Variants in RBFOX3 observed in about 807,000 individuals in gnomAD.
The protein encoded by RBFOX3 is RNA binding fox-1 homolog 3.
In RBFOX3, 17 loss-of-function variants were observed where a neutral mutation model predicts 48.7. That is an observed-to-expected ratio of 0.35 (90% CI 0.24 to 0.52). The LOEUF is 0.52. RBFOX3 is among the 20% of genes least tolerant of loss of function. The probability of loss-of-function intolerance (pLI) is 0.94; values close to 1 mark genes in which losing one functional copy is unlikely to be tolerated. For synonymous variants in RBFOX3, 212 were observed against 209.5 expected (o/e 1.01, Z -0.10); for missense variants, 382 against 497.5 (o/e 0.77, Z 2.21).
In RBFOX3 at chr17:79,479,237, C is replaced by T. The variant is rs1010319044; in HGVS notation, c.-175+3217G>A. On this transcript the variant is annotated intron_variant, in intron 2 of 14. Coordinates refer to ENST00000693108, the MANE Select transcript of RBFOX3 (RefSeq NM_001350451.2). This position sits in a 1 kb window ranked among gnomAD's most constrained non-coding sequence, Gnocchi z 5.1. ...CTGGTAGCCCAAGGGGTGGTTTTGG[C>T]GGCCCCTTCTCTGAAGCCCATGTCC... Among the ~76,000 whole-genome samples the T allele has an allele frequency of 2.6e-5, 4 of 152,296 alleles. No homozygotes were observed. The highest frequency in any genetic ancestry group is 2.1e-4 in the South Asian group (1 of 4,824).
chr17:79,651,828 C>G, the RBFOX3 span, among the ~76,000 whole-genome samples: 5 of 15,318 alleles, frequency 3.3e-4, no homozygotes, highest in Non-Finnish European at 0.026. Flanking sequence ...TCTTCTTCCT[C>G]TCTCTCTCTC....
At chr17:79,366,891 C>T (rs531685130) in intron 2 of RBFOX3, among the ~76,000 whole-genome samples, 2 of 152,322 alleles carry the variant, frequency 1.3e-5, no homozygotes, top group East Asian at 3.9e-4. Flanking sequence ...CAGCTGAGTC[C>T]CTCCCAGAGT....
chr17:79,585,057 G>A (rs1218969932), intron 1 of RBFOX3, among the ~76,000 whole-genome samples: 3 of 151,816 alleles, frequency 2.0e-5, no homozygotes, highest in Non-Finnish European at 4.4e-5. Context: ...GAGCCACGGC[G>A]CCCAGCCGAT....
At chr17:79,378,934 G>A (rs1313076036) in intron 2 of RBFOX3, among the ~76,000 whole-genome samples, 1 of 152,170 alleles carries the variant, frequency 6.6e-6, no homozygotes, top group African/African-American at 2.4e-5. Flanking sequence ...CCAGCCCCAG[G>A]GCCCAGAGGC....
At chr17:79,472,707 A>G (rs1280364216) in intron 2 of RBFOX3, among the ~76,000 whole-genome samples, 1 of 152,118 alleles carries the variant, frequency 6.6e-6, no homozygotes, top group Non-Finnish European at 1.5e-5. Context: ...AGCCGACCAC[A>G]CACCTCCCAC....
chr17:79,464,497 G>A (rs1224897054), intron 2 of RBFOX3, among the ~76,000 whole-genome samples: 2 of 152,214 alleles, frequency 1.3e-5, no homozygotes, highest in Admixed American at 6.5e-5. Context: ...GGGGCGGCCC[G>A]AGGACAGGCG....
At position 79,089,471 on chromosome 17, in the gene RBFOX3, C is replaced by G. The variant is rs535265514; in HGVS notation, c.*1412G>C. On this transcript the variant is annotated 3_prime_UTR_variant, in exon 15 of 15. Transcript: ENST00000693108. ...GGGGCTCGGCTGCAGTCCTGGGGAT[C>G]TGAGTGAGTCGGGGGGTTGAGCTGC... The G allele has an allele frequency of 6.5e-6, 1 of 152,852 alleles. No individual in the cohort carries two copies. The highest frequency in any genetic ancestry group is 2.1e-4 in the South Asian group (1 of 4,824). The allele number at this position is 152,852 out of a possible 1,614,324, so 9.5% of individuals were successfully genotyped here.
chr17:79,338,748 G>A (rs532819995), intron 2 of RBFOX3, among the ~76,000 whole-genome samples: 8 of 152,314 alleles, frequency 5.3e-5, no homozygotes, highest in South Asian at 4.1e-4. Flanking sequence ...GAGGAGAGGC[G>A]TGAGATGCAG....
chr17:79,373,094 A>G (rs949374355), intron 2 of RBFOX3, among the ~76,000 whole-genome samples: 1 of 152,098 alleles, frequency 6.6e-6, no homozygotes, highest in African/African-American at 2.4e-5. Context: ...CTGGCCTCCA[A>G]AGCTTGCAGA....
chr17:79,534,359 C>T (rs1006321837), intron 1 of RBFOX3, among the ~76,000 whole-genome samples: 5 of 152,230 alleles, frequency 3.3e-5, no homozygotes, highest in Admixed American at 2.6e-4. Context: ...GTCATCGGAA[C>T]ATTGTCAAGC....
intron 4 of RBFOX3, among the ~76,000 whole-genome samples, chr17:79,185,247 G>T (rs904704326): frequency 1.3e-5 from 2 of 152,222 alleles, no homozygotes; most frequent in Non-Finnish European, 2.9e-5. Context: ...TCCCTCTGGG[G>T]TGGTGCTGGC....
At chr17:79,425,596 T>C (rs2067214472) in intron 2 of RBFOX3, among the ~76,000 whole-genome samples, 1 of 152,026 alleles carries the variant, frequency 6.6e-6, no homozygotes, top group African/African-American at 2.4e-5. Flanking sequence ...AAAGAGGGAG[T>C]TTCCAAGGTA....
At chr17:79,400,000 A>G (rs112734668) in intron 2 of RBFOX3, among the ~76,000 whole-genome samples, 33 of 152,302 alleles carry the variant, frequency 2.2e-4, no homozygotes, top group African/African-American at 6.7e-4. Context: ...TTCTCTCAGG[A>G]GTGCTGGAGG....
At chr17:79,147,627 A>G (rs1184337875) in intron 4 of RBFOX3, among the ~76,000 whole-genome samples, 1 of 152,206 alleles carries the variant, frequency 6.6e-6, no homozygotes, top group Admixed American at 6.5e-5. Context: ...CAAAGCCCAA[A>G]GCAGGTAGTT....
intron 1 of RBFOX3, among the ~76,000 whole-genome samples, chr17:79,486,872 C>T (rs2079685841): frequency 6.6e-6 from 1 of 152,242 alleles, no homozygotes; most frequent in Non-Finnish European, 1.5e-5. Context: ...CTGCTTCAAC[C>T]TGCTGCAGAA....
At chr17:79,529,316 G>A (rs1352647490) in intron 1 of RBFOX3, among the ~76,000 whole-genome samples, 4 of 152,152 alleles carry the variant, frequency 2.6e-5, no homozygotes, top group East Asian at 1.9e-4. Context: ...TCACCCCACC[G>A]CATCACCTGA....
At chr17:79,302,267 C>T (rs1568004915) in intron 3 of RBFOX3, among the ~76,000 whole-genome samples, 1 of 152,148 alleles carries the variant, frequency 6.6e-6, no homozygotes, top group Admixed American at 6.5e-5. Flanking sequence ...ATTATTGTCC[C>T]ATTTCATGGA....
intron 1 of RBFOX3, among the ~76,000 whole-genome samples, chr17:79,521,180 G>A (rs1452274059): frequency 1.3e-5 from 2 of 151,972 alleles, no homozygotes; most frequent in Non-Finnish European, 2.9e-5. Context: ...GTACATACAG[G>A]CATGCACAGA....
intron 4 of RBFOX3, among the ~76,000 whole-genome samples, chr17:79,157,040 C>CGCT (rs2045965295): frequency 6.6e-6 from 1 of 152,192 alleles, no homozygotes; most frequent in Admixed American, 6.5e-5. Flanking sequence ...TCTCCTCAGC[C>CGCT]GCTGCTGTGG....
Sources: gnomAD v4.1 joint callset for allele counts (sites outside exome capture counted in the v4.1 genomes callset) on GRCh38, gnomAD v4.1.1 for gene constraint, Gnocchi (gnomAD v3.1) non-coding constraint, MANE v1.5 for transcripts, NCBI Gene and HGNC (gene_info 2026-07-23, HGNC 2026-07-21) for gene names.